The following LRFN2 variants were observed in gnomAD, a reference collection of about 807,000 sequenced individuals.
LRFN2 encodes leucine-rich repeat and fibronectin type-III domain-containing protein 2.
LRFN2 carries 18 observed loss-of-function variants against 37.3 expected under a neutral mutation model. That is an observed-to-expected ratio of 0.48 (90% CI 0.33 to 0.72). The LOEUF (loss-of-function observed/expected upper bound fraction) is 0.72, where lower values mean the gene tolerates loss of function less well. LRFN2 is among the 30% of genes least tolerant of loss of function. The pLI, the probability that LRFN2 is intolerant of heterozygous loss-of-function variation, is 0.02. For missense variants in LRFN2, 1,006 were observed against 1,060.7 expected (o/e 0.95, Z 0.72); for synonymous variants, 556 against 466.6 (o/e 1.19, Z -2.47).
At chr6:40,413,940 C>A (rs147683432) in intron 2 of LRFN2, among the ~76,000 whole-genome samples, 1 of 152,116 alleles carries the variant, frequency 6.6e-6, no homozygotes, top group Non-Finnish European at 1.5e-5. Flanking sequence ...GTAGATTGGG[C>A]GACCAGGAAG....
In LRFN2 at chr6:40,392,604, G is replaced by T. The variant is rs140445290; in HGVS notation, c.1709C>A (p.Ala570Glu). The T allele has an allele frequency of 6.2e-7, 1 of 1,609,612 alleles. No homozygotes were observed. Among genetic ancestry groups the T allele is most frequent in the Non-Finnish European group, 8.5e-7 (1 of 1,179,922 alleles). Residue 570 changes from alanine to glutamate, a missense_variant, in exon 3 of 3, where the codon GCG (alanine) becomes GAG (glutamate). Ala to Glu is a moderately radical substitution (Grantham distance 107). This residue lies in a region of LRFN2 where 398 missense variants were observed against 327.6 expected (regional missense o/e 1.21). Transcript: ENST00000338305. The surrounding 1 kb of genome is among the most constrained non-coding windows in gnomAD (Gnocchi z 4.7). ...CTGCGAGTACACATTGCTCACGGCC[G>T]CTGCCATCTTGCTGGGGGCCTCGTG... ...CNHEAPSKMA[A>E]AVSNVYSQTN...
At chr6:40,470,644 T>C (rs938987522) in intron 1 of LRFN2, among the ~76,000 whole-genome samples, 9 of 150,430 alleles carry the variant, frequency 6.0e-5, no homozygotes, top group Admixed American at 4.0e-4. Flanking sequence ...CTACCTGCTC[T>C]CAGAGGAATT....
At chr6:40,565,922 AG>A (rs1291168457) in intron 1 of LRFN2, among the ~76,000 whole-genome samples, 1 of 152,122 alleles carries the variant, frequency 6.6e-6, no homozygotes, top group Non-Finnish European at 1.5e-5. Context: ...GCACAGCAAA[AG>A]AAACCACCAT....
intron 2 of LRFN2, among the ~76,000 whole-genome samples, chr6:40,416,638 T>A (rs1347909193): frequency 6.6e-6 from 1 of 152,132 alleles, no homozygotes; most frequent in Non-Finnish European, 1.5e-5. Flanking sequence ...ACTCTGTCTT[T>A]CCTCTCCCTG....
chr6:40,399,665 T>A (rs1762697335), intron 2 of LRFN2, among the ~76,000 whole-genome samples: 1 of 151,566 alleles, frequency 6.6e-6, no homozygotes, highest in Admixed American at 6.6e-5. Flanking sequence ...CTTGAACTCT[T>A]GAGCTCAGAC....
Position 40,432,844 on chromosome 6 carries a change from G to A in LRFN2, c.270C>T (p.His90=). The A allele has an allele frequency of 1.2e-6, 2 of 1,614,268 alleles. No homozygotes were observed. Among genetic ancestry groups the A allele is most frequent in the Non-Finnish European group, 1.7e-6 (2 of 1,180,056 alleles). ...DLTLSRNTIS[H]IQPFSFLDLE... ...GGTCCAGAAAGGAAAAGGGCTGGATGTGGCTGATGGTGTTCCTGGACAGGG... is the reference window on the plus strand; with the variant it reads ...GGTCCAGAAAGGAAAAGGGCTGGATATGGCTGATGGTGTTCCTGGACAGGG... Residue 90 remains histidine, a synonymous_variant, in exon 2 of 3, where the codon CAC becomes CAT. Coordinates refer to ENST00000338305, the MANE Select transcript of LRFN2 (RefSeq NM_020737.3).
intron 1 of LRFN2, among the ~76,000 whole-genome samples, chr6:40,481,462 G>A (rs1278059194): frequency 8.8e-5 from 13 of 147,486 alleles, no homozygotes; most frequent in Non-Finnish European, 1.8e-4. Flanking sequence ...AAAAAAGAGA[G>A]AAAGAAAAGA....
chr6:40,586,505 C>T (rs1361094117), intron 1 of LRFN2, among the ~76,000 whole-genome samples: 2 of 152,166 alleles, frequency 1.3e-5, no homozygotes, highest in Non-Finnish European at 1.5e-5. Flanking sequence ...CCACCCAGTC[C>T]ACAGAGCTCA....
At chr6:40,565,371 T>C (rs1261929205) in intron 1 of LRFN2, among the ~76,000 whole-genome samples, 2 of 152,094 alleles carry the variant, frequency 1.3e-5, no homozygotes, top group African/African-American at 4.8e-5. Flanking sequence ...CTTCACCGAA[T>C]TGGAAAAAAC....
chr6:40,474,049 T>A lies in LRFN2; in HGVS notation c.-18-40918A>T, dbSNP rs192575094. Among the ~76,000 whole-genome samples the A allele has an allele frequency of 2.0e-4, 30 of 152,244 alleles. No homozygotes were observed. The East Asian group carries it at 5.4e-3, about 28-fold the overall frequency. ...TGCAAAATGGTCTTAGGGTCGTTGTTTTTTTAGATGTGGGGCTTTCAGGCA... is the reference window on the plus strand; with the variant it reads ...TGCAAAATGGTCTTAGGGTCGTTGTATTTTTAGATGTGGGGCTTTCAGGCA... On this transcript the variant is annotated intron_variant, in intron 1 of 2. Coordinates refer to ENST00000338305, the MANE Select transcript of LRFN2 (RefSeq NM_020737.3).
At chr6:40,532,595 T>G (rs548164959) in intron 1 of LRFN2, among the ~76,000 whole-genome samples, 111 of 152,316 alleles carry the variant, frequency 7.3e-4, no homozygotes, top group African/African-American at 2.5e-3. Flanking sequence ...TGCCTCTGCC[T>G]GCCCTGCCTA....
intron 1 of LRFN2, among the ~76,000 whole-genome samples, chr6:40,548,538 C>T (rs993702327): frequency 1.3e-4 from 20 of 152,292 alleles, no homozygotes; most frequent in Admixed American, 9.8e-4. Context: ...GCCATCAGCA[C>T]TTTAGCATTG....
chr6:40,417,302 T>G (rs1294543228), intron 2 of LRFN2, among the ~76,000 whole-genome samples: 2 of 152,044 alleles, frequency 1.3e-5, no homozygotes, highest in African/African-American at 4.8e-5. Context: ...CAAGATCCTG[T>G]CTCCATGCTC....
chr6:40,555,962 A>G (rs1376390505), intron 1 of LRFN2, among the ~76,000 whole-genome samples: 1 of 151,092 alleles, frequency 6.6e-6, no homozygotes, highest in Non-Finnish European at 1.5e-5. Flanking sequence ...GAACTCCTGA[A>G]GAACAAGAGG....
At chr6:40,556,437 C>T (rs1261859313) in intron 1 of LRFN2, among the ~76,000 whole-genome samples, 1 of 152,168 alleles carries the variant, frequency 6.6e-6, no homozygotes, top group Non-Finnish European at 1.5e-5. Context: ...GCCCCACCTG[C>T]ACTTCTGAAA....
Position 40,507,522 on chromosome 6 carries a change from G to A in LRFN2, c.-18-74391C>T, listed in dbSNP as rs561445426. ...TGGGACATGGGAGTGCGGATTAAAGGTGGAGGGCTCTGAAGACCCTGCTCT... is the reference window on the plus strand; with the variant it reads ...TGGGACATGGGAGTGCGGATTAAAGATGGAGGGCTCTGAAGACCCTGCTCT... On this transcript the variant is annotated intron_variant, in intron 1 of 2. Transcript: ENST00000338305. 3.3e-5 allele frequency among the ~76,000 whole-genome samples: 5 copies of A among 152,326 alleles called. No homozygotes were observed. In the South Asian group the frequency reaches 8.3e-4, roughly 25 times the overall value.
intron 1 of LRFN2, among the ~76,000 whole-genome samples, chr6:40,552,075 CT>C (rs1213635155): frequency 3.9e-5 from 6 of 152,200 alleles, no homozygotes; most frequent in Non-Finnish European, 8.8e-5. Flanking sequence ...GGGGCTATGT[CT>C]TTTTGTTTCA....
intron 1 of LRFN2, among the ~76,000 whole-genome samples, chr6:40,503,856 T>C (rs1454889177): frequency 6.6e-6 from 1 of 151,358 alleles, no homozygotes; most frequent in Non-Finnish European, 1.5e-5. Flanking sequence ...GCTCGTTGGA[T>C]GTAAAGACAC....
intron 1 of LRFN2, among the ~76,000 whole-genome samples, chr6:40,497,824 A>G (rs1358699630): frequency 2.0e-5 from 3 of 152,204 alleles, no homozygotes; most frequent in Non-Finnish European, 4.4e-5. Flanking sequence ...AGCAAGGATG[A>G]TCAAAAAAAC....
Sources: allele counts gnomAD v4.1 joint callset (sites outside exome capture counted in the v4.1 genomes callset), GRCh38; gene constraint gnomAD v4.1.1; regional missense constraint gnomAD v4.1.1; non-coding constraint Gnocchi (gnomAD v3.1); transcripts MANE v1.5; gene names NCBI Gene and HGNC (gene_info 2026-07-23, HGNC 2026-07-21).